The following SPHKAP variants were observed in gnomAD, a reference collection of about 807,000 sequenced individuals.
SPHKAP encodes the protein SPHK1 interactor, AKAP domain containing.
Under a neutral mutation model 137.5 loss-of-function variants are expected in SPHKAP, and 67 were observed. The observed-to-expected ratio is 0.49, with a 90% CI of 0.40 to 0.60. SPHKAP has a LOEUF of 0.60. Among genes scored for constraint, SPHKAP ranks in the 20% least tolerant of loss-of-function variants. The pLI is 0.00. For synonymous variants in SPHKAP, 813 were observed against 785.3 expected (o/e 1.04, Z -0.59); for missense variants, 2,097 against 2,069.3 (o/e 1.01, Z -0.26).
At position 228,025,442 on chromosome 2, in the gene SPHKAP, T is replaced by C. The variant is rs748905146; in HGVS notation, c.393A>G (p.Leu131=). The change falls in exon 5 of 12, where the codon CTA becomes CTG. Residue 131 remains leucine (L), a synonymous_variant. Transcript: ENST00000392056. ...QQPKENEIVV[L]SGLASGNLQA... is the part of the protein sequence containing the mutation. ...GGAGATTTCCAGAGGCTAACCCACT[T>C]AGGACAACAATTTCATTTTCTTTTG... 6.2e-7 allele frequency: 1 copy of C among 1,613,928 alleles called. No individual in the cohort carries two copies. Among genetic ancestry groups the C allele is most frequent in the South Asian group, 1.1e-5 (1 of 91,078 alleles).
In SPHKAP at chr2:228,098,626, G is replaced by C. The variant is rs184327773; in HGVS notation, c.246+10206C>G. 5.3e-4 allele frequency among the ~76,000 whole-genome samples: 80 copies of C among 152,222 alleles called. 1 individual carries two copies. Among genetic ancestry groups the C allele is most frequent in the African/African-American group, 1.8e-3 (75 of 41,546 alleles). ...AGGGCCTGTTGTGGGGTGGTGGGGT[G>C]GGGGAGGGATAGCATTAGGAGATAT... On this transcript the variant is annotated intron_variant, in intron 3 of 11. Transcript: ENST00000392056.
chr2:227,993,590 A>G lies in SPHKAP; in HGVS notation c.4665T>C (p.Leu1555=), dbSNP rs1365247631. The part of the protein sequence containing the change: ...SNGNSSATSS[L]GIMDLDIYQE... ...GATAAATGTCCAGATCCATAATGCC[A>G]AGACTGCTAGTGGCACTACTGTTGC... Residue 1555 remains leucine (L), a synonymous_variant, in exon 9 of 12, where the codon CTT becomes CTC. Coordinates refer to ENST00000392056, the MANE Select transcript of SPHKAP (RefSeq NM_001142644.2). The G allele has an allele frequency of 6.2e-7, 1 of 1,602,412 alleles. No individual in the cohort carries two copies. The highest frequency in any genetic ancestry group is 1.3e-5 in the African/African-American group (1 of 74,942).
In SPHKAP at chr2:227,999,922, C is replaced by T. The variant is rs184721292; in HGVS notation, c.4449-4228G>A. ...TCATAGAATCTAATCTCTCAGTTGG[C>T]AGAGATTTTAGAGACCATCTAGCCT... On this transcript the variant is annotated intron_variant, in intron 7 of 11. Transcript: ENST00000392056. 1.4e-4 allele frequency among the ~76,000 whole-genome samples: 21 copies of T among 152,304 alleles called. No individual in the cohort carries two copies. The East Asian group carries it at 4.1e-3, about 29-fold the overall frequency.
intron 7 of SPHKAP, among the ~76,000 whole-genome samples, chr2:228,009,020 G>T (rs898053294): frequency 6.6e-6 from 1 of 152,080 alleles, no homozygotes; most frequent in South Asian, 2.1e-4. Flanking sequence ...TAACTTGCTG[G>T]GATTTTGATT....
At chr2:228,141,750 T>C (rs1699613926) in intron 1 of SPHKAP, among the ~76,000 whole-genome samples, 1 of 152,132 alleles carries the variant, frequency 6.6e-6, no homozygotes, top group Non-Finnish European at 1.5e-5. Context: ...GGGAAAATAT[T>C]GAGATCATTA....
At chr2:228,136,119 C>T (rs181075465) in intron 1 of SPHKAP, among the ~76,000 whole-genome samples, 9 of 152,248 alleles carry the variant, frequency 5.9e-5, no homozygotes, top group African/African-American at 1.9e-4. Context: ...GAAACTCATA[C>T]ATTTATTAAA....
chr2:228,155,622 G>A (rs1178086459), intron 1 of SPHKAP, among the ~76,000 whole-genome samples: 2 of 152,118 alleles, frequency 1.3e-5, no homozygotes, highest in Non-Finnish European at 2.9e-5. Flanking sequence ...GGACAATATA[G>A]CCATTGGCAT....
At chr2:228,144,474 T>C (rs894332815) in intron 1 of SPHKAP, among the ~76,000 whole-genome samples, 5 of 151,966 alleles carry the variant, frequency 3.3e-5, no homozygotes, top group African/African-American at 9.7e-5. Flanking sequence ...GTTTCATATA[T>C]AGAAACATGA....
At chr2:227,994,991 C>T (rs180892545) in intron 8 of SPHKAP, among the ~76,000 whole-genome samples, 145 of 152,300 alleles carry the variant, frequency 9.5e-4, no homozygotes, top group African/African-American at 3.2e-3. Context: ...TTAATGTCTC[C>T]TGACTGGCTT....
intron 3 of SPHKAP, among the ~76,000 whole-genome samples, chr2:228,032,312 C>A (rs140261893): frequency 9.2e-5 from 14 of 151,668 alleles, no homozygotes; most frequent in Non-Finnish European, 2.1e-4. Flanking sequence ...TGAAATGAAG[C>A]GAGAAGGGAA....
In SPHKAP at chr2:228,017,341, A is replaced by C. The variant is rs1694645673; in HGVS notation, c.3513T>G (p.Ser1171Arg). ...NSAMQQACRKSDHLSVRPSCP... is the reference protein window; with the variant it reads ...NSAMQQACRKRDHLSVRPSCP... ...AGCTAGGCCTCACACTGAGGTGGTC[A>C]CTTTTCCGGCACGCCTGTTGCATGG... The change falls in exon 7 of 12, where the codon AGT becomes AGG. Residue 1171 changes from serine (S) to arginine (R), a missense_variant. Ser to Arg is a moderately radical substitution (Grantham distance 110, BLOSUM62 -1). Coordinates refer to ENST00000392056, the MANE Select transcript of SPHKAP (RefSeq NM_001142644.2). 3 of 1,613,678 alleles carry C rather than the reference A, an allele frequency of 1.9e-6. No homozygotes were observed. The highest frequency in any genetic ancestry group is 1.6e-4 in the Middle Eastern group (1 of 6,082).
intron 1 of SPHKAP, among the ~76,000 whole-genome samples, chr2:228,166,052 T>TAAGAGGAGA (rs1394377765): frequency 6.6e-6 from 1 of 152,216 alleles, no homozygotes; most frequent in Admixed American, 6.5e-5. Flanking sequence ...TGAGAACAGT[T>TAAGAGGAGA]AATGTCAGAA....
intron 3 of SPHKAP, among the ~76,000 whole-genome samples, chr2:228,080,970 A>G (rs1697349383): frequency 6.6e-6 from 1 of 152,158 alleles, no homozygotes; most frequent in Non-Finnish European, 1.5e-5. Context: ...GAATTACCAT[A>G]TAATCCAAAA....
In SPHKAP at chr2:227,981,571, A is replaced by G. The variant is rs146522577; in HGVS notation, c.*146T>C. The G allele has an allele frequency of 1.9e-6, 2 of 1,037,228 alleles. No homozygotes were observed. The highest frequency in any genetic ancestry group is 2.7e-6 in the Non-Finnish European group (2 of 738,780). The allele number at this position is 1,037,228 out of a possible 1,614,324, so 64.3% of individuals were successfully genotyped here. A position where few individuals can be genotyped will look rare whatever the true frequency, so the allele number is the denominator to read the frequency against. On this transcript the variant is annotated 3_prime_UTR_variant, in exon 12 of 12. Coordinates refer to ENST00000392056, the MANE Select transcript of SPHKAP (RefSeq NM_001142644.2). Reference sequence around the variant, plus strand: ...TTGCTTTTCCTCTGACTTATTCTGTATGCAGTGGATCTGAGTAGCAGATTT... The same window carrying G: ...TTGCTTTTCCTCTGACTTATTCTGTGTGCAGTGGATCTGAGTAGCAGATTT...
chr2:228,043,723 A>T (rs1227148064), intron 3 of SPHKAP, among the ~76,000 whole-genome samples: 1 of 152,204 alleles, frequency 6.6e-6, no homozygotes, highest in Non-Finnish European at 1.5e-5. Context: ...ACTATGGTGT[A>T]AGAAAAAGTG....
At position 227,995,593 on chromosome 2, in the gene SPHKAP, G is replaced by T; in HGVS notation, c.4550C>A (p.Thr1517Lys). ...PNPPSSSEESTGSWTQLANEE... is the reference protein window; with the variant it reads ...PNPPSSSEESKGSWTQLANEE... ...ATTGGCAAGCTGGGTCCAGCTGCCT[G>T]TGCTCTCCTCGCTGCTGCTTGGAGG... The change falls in exon 8 of 12, where the codon ACA (threonine) becomes AAA (lysine). Residue 1517 changes from threonine (T) to lysine (K), a missense_variant. By Grantham distance (78) the Thr-to-Lys change is moderately conservative. Coordinates refer to ENST00000392056, the MANE Select transcript of SPHKAP (RefSeq NM_001142644.2). The T allele has an allele frequency of 6.2e-7, 1 of 1,614,080 alleles. No individual in the cohort carries two copies. Among genetic ancestry groups the T allele is most frequent in the Non-Finnish European group, 8.5e-7 (1 of 1,180,000 alleles).
At chr2:228,125,602 A>C (rs1056771005) in intron 2 of SPHKAP, among the ~76,000 whole-genome samples, 6 of 152,200 alleles carry the variant, frequency 3.9e-5, no homozygotes, top group Admixed American at 6.5e-5. Flanking sequence ...CAGATTTGAT[A>C]CACAATATCC....
intron 1 of SPHKAP, among the ~76,000 whole-genome samples, chr2:228,140,665 G>A (rs530033734): frequency 6.6e-6 from 1 of 152,238 alleles, no homozygotes; most frequent in East Asian, 1.9e-4. Context: ...CCCAGTATTA[G>A]AAGTGGGGCA....
intron 4 of SPHKAP, among the ~76,000 whole-genome samples, chr2:228,026,589 T>A (rs1695040821): frequency 6.9e-6 from 1 of 143,956 alleles, no homozygotes; most frequent in Non-Finnish European, 1.5e-5. Flanking sequence ...TCAAACACAC[T>A]ACTCTTAGAT....
Sources: gnomAD v4.1 joint callset for allele counts (sites outside exome capture counted in the v4.1 genomes callset) on GRCh38, gnomAD v4.1.1 for gene constraint, MANE v1.5 for transcripts, NCBI Gene and HGNC (gene_info 2026-07-23, HGNC 2026-07-21) for gene names.